The following SLC8A1 variants were observed in gnomAD, a reference collection of about 807,000 sequenced individuals.
SLC8A1 encodes solute carrier family 8 member A1.
In SLC8A1, 18 loss-of-function variants were observed where a neutral mutation model predicts 68.3. That is an observed-to-expected ratio of 0.26 (90% CI 0.18 to 0.39). SLC8A1 has a LOEUF of 0.39. Ranked by LOEUF, SLC8A1 falls within the 10% of genes least tolerant of loss-of-function variation. The pLI, the probability that SLC8A1 is intolerant of heterozygous loss-of-function variation, is 1.00. For missense variants in SLC8A1, 985 were observed against 1,156.7 expected (o/e 0.85, Z 2.15); for synonymous variants, 475 against 415.5 (o/e 1.14, Z -1.74).
chr2:40,115,663 A>C (rs961137973), intron 7 of SLC8A1, 34 bp from the exon 11 acceptor site: 2 of 1,579,748 alleles, frequency 1.3e-6, no homozygotes, highest in Non-Finnish European at 1.7e-6. Context: ...AATGACACTC[A>C]ATCTTTTAGA....
At chr2:40,200,239 AATATATATATATATATATATATATATAT>A (rs1205217029) in intron 2 of SLC8A1, among the ~76,000 whole-genome samples, 2 of 16,832 alleles carry the variant, frequency 1.2e-4, no homozygotes, top group Non-Finnish European at 1.1e-4. Context: ...TATATATATA[AATATATATATATATATATATATATATAT>A]AACCTCTTTT....
chr2:40,485,854 C>G (rs1488688531), intron 1 of SLC8A1, among the ~76,000 whole-genome samples: 1 of 151,954 alleles, frequency 6.6e-6, no homozygotes, highest in Non-Finnish European at 1.5e-5. Flanking sequence ...TAGAAAATTC[C>G]ATATATGATT....
intron 2 of SLC8A1, among the ~76,000 whole-genome samples, chr2:40,258,648 C>T (rs1031907059): frequency 6.6e-6 from 1 of 152,130 alleles, no homozygotes; most frequent in South Asian, 2.1e-4. Flanking sequence ...TGAGACCAGC[C>T]TGGCCAACAT....
At chr2:40,352,781 C>T (rs1235246297) in intron 2 of SLC8A1, among the ~76,000 whole-genome samples, 2 of 152,092 alleles carry the variant, frequency 1.3e-5, no homozygotes, top group Admixed American at 6.5e-5. Flanking sequence ...AGAAGTAGGA[C>T]GTGGCTTTAA....
At chr2:40,122,201 C>CGT (rs143443544) in intron 7 of SLC8A1, among the ~76,000 whole-genome samples, 55,320 of 145,952 alleles carry the variant, frequency 0.38, 11,253 homozygotes, top group Middle Eastern at 0.52. Flanking sequence ...AGTGCATGCG[C>CGT]GCGCGCACAC....
intron 2 of SLC8A1, among the ~76,000 whole-genome samples, chr2:40,297,881 CTGTTTTT>C (rs2070717888): frequency 1.3e-5 from 2 of 152,154 alleles, no homozygotes; most frequent in South Asian, 4.1e-4. Flanking sequence ...ATTTAACAAT[CTGTTTTT>C]TGTTTTTTTG....
intron 2 of SLC8A1, among the ~76,000 whole-genome samples, chr2:40,364,980 A>T (rs554118125): frequency 6.6e-6 from 1 of 152,242 alleles, no homozygotes; most frequent in African/African-American, 2.4e-5. Flanking sequence ...TGTCTCTCTA[A>T]TCAAGAAATC....
intron 2 of SLC8A1, among the ~76,000 whole-genome samples, chr2:40,252,829 T>TC (rs2063012510): frequency 0.011 from 1,594 of 147,404 alleles, 23 homozygotes; most frequent in African/African-American, 0.038. Flanking sequence ...TATATGTATA[T>TC]ACATGTGTAT....
At chr2:40,134,501 G>A (rs2040111782) in intron 7 of SLC8A1, among the ~76,000 whole-genome samples, 1 of 152,166 alleles carries the variant, frequency 6.6e-6, no homozygotes, top group African/African-American at 2.4e-5. Flanking sequence ...CCTCATCACA[G>A]TTCCCACCAT....
At chr2:40,191,476 T>A (rs2051828803) in intron 2 of SLC8A1, among the ~76,000 whole-genome samples, 1 of 152,190 alleles carries the variant, frequency 6.6e-6, no homozygotes, top group Non-Finnish European at 1.5e-5. Flanking sequence ...AAATCAAAAT[T>A]AACCAAAACC....
exon 1 of SLC8A1, chr2:40,451,926 A>C (rs1702589716): frequency 6.6e-6 from 1 of 152,110 alleles, no homozygotes; most frequent in African/African-American, 2.4e-5. Context: ...GTGTGAATGG[A>C]TTCTTCCTCC....
At chr2:40,444,100 G>C (rs980725486) in intron 1 of SLC8A1, among the ~76,000 whole-genome samples, 1 of 152,130 alleles carries the variant, frequency 6.6e-6, no homozygotes. Flanking sequence ...ACTTTGGGAG[G>C]CTGAGGAAGA....
intron 7 of SLC8A1, among the ~76,000 whole-genome samples, chr2:40,133,616 T>G (rs1256482730): frequency 1.3e-5 from 2 of 151,550 alleles, no homozygotes; most frequent in African/African-American, 4.9e-5. Context: ...TAGCAGGAAC[T>G]AGTGGGAGAA....
In SLC8A1 at chr2:40,266,472, A is replaced by G. The variant is rs538452372; in HGVS notation, c.1809-88617T>C. On this transcript the variant is annotated intron_variant, in intron 2 of 7. Transcript: ENST00000406785. ...TAAAGACCTTGGATATCAAGGAGAT[A>G]GAGTAGAGACTATTCTTAGACCATT... Among the ~76,000 whole-genome samples the G allele has an allele frequency of 2.6e-5, 4 of 152,332 alleles. No individual in the cohort carries two copies. The East Asian group carries it at 7.7e-4, about 29-fold the overall frequency.
chr2:40,398,558 C>G (rs1382712065), intron 2 of SLC8A1, among the ~76,000 whole-genome samples: 1 of 152,126 alleles, frequency 6.6e-6, no homozygotes, highest in Non-Finnish European at 1.5e-5. Context: ...ACACAATTTT[C>G]AAATAAATTT....
At chr2:40,254,052 ATGTT>A (rs1166942120) in intron 2 of SLC8A1, among the ~76,000 whole-genome samples, 1 of 152,156 alleles carries the variant, frequency 6.6e-6, no homozygotes, top group Non-Finnish European at 1.5e-5. Context: ...GAAATGGTAA[ATGTT>A]TGTTTGAGAT....
intron 1 of SLC8A1, among the ~76,000 whole-genome samples, chr2:40,475,971 A>G (rs959755207): frequency 6.6e-6 from 1 of 152,190 alleles, no homozygotes; most frequent in Non-Finnish European, 1.5e-5. Flanking sequence ...TGTTCAAAAG[A>G]TAATAACCTT....
Position 40,174,849 on chromosome 2 carries a change from A to T in SLC8A1, c.1913-7T>A. The T allele has an allele frequency of 1.9e-6, 3 of 1,608,714 alleles. No individual in the cohort carries two copies. The highest frequency in any genetic ancestry group is 2.6e-6 in the Non-Finnish European group (3 of 1,175,432). Reference sequence around the variant, plus strand: ...CCTGTTATTGTGAAGCCACCTAAAAAAGAAAAAAACAACAACAAATGTTAT... The same window carrying T: ...CCTGTTATTGTGAAGCCACCTAAAATAGAAAAAAACAACAACAAATGTTAT... On this transcript the variant is annotated splice_region_variant and splice_polypyrimidine_tract_variant and intron_variant, in intron 3 of 7. Coordinates refer to ENST00000406785, the Ensembl canonical transcript of SLC8A1.
rs186182180 is a variant in SLC8A1 at position 40,148,007 on chromosome 2, G to T, written c.2162-8331C>A. On this transcript the variant is annotated intron_variant, in intron 6 of 7. Transcript: ENST00000406785. Reference sequence around the variant, plus strand: ...ATGAGATCTAAAACTCTGTCACCTCGCTACAATTACATGACCCATGGTTTC... The same window carrying T: ...ATGAGATCTAAAACTCTGTCACCTCTCTACAATTACATGACCCATGGTTTC... Among the ~76,000 whole-genome samples, 304 of 152,202 alleles carry T rather than the reference G, an allele frequency of 2.0e-3. 1 individual carries two copies. Among genetic ancestry groups the T allele is most frequent in the Admixed American group, 2.9e-3 (45 of 15,284 alleles).
Sources: gnomAD v4.1 joint callset for allele counts (sites outside exome capture counted in the v4.1 genomes callset) on GRCh38, gnomAD v4.1.1 for gene constraint, MANE v1.5 for transcripts, NCBI Gene and HGNC (gene_info 2026-07-23, HGNC 2026-07-21) for gene names.